Variants in NECAB3 observed in about 807,000 individuals in gnomAD.
NECAB3 encodes the protein N-terminal EF-hand calcium-binding protein 3.
Under a neutral mutation model 57.2 loss-of-function variants are expected in NECAB3, and 38 were observed. That is an observed-to-expected ratio of 0.66 (90% CI 0.51 to 0.87). The LOEUF (loss-of-function observed/expected upper bound fraction) is 0.87. Among genes scored for constraint, NECAB3 ranks in the 40% least tolerant of loss-of-function variants. The pLI, the probability that NECAB3 is intolerant of heterozygous loss-of-function variation, is 0.00. For missense variants in NECAB3, 474 were observed against 527.5 expected (o/e 0.90, Z 0.99); for synonymous variants, 223 against 222.6 (o/e 1.00, Z -0.02).
At position 33,663,300 on chromosome 20, in the gene NECAB3, G is replaced by A. The variant is rs1321119608; in HGVS notation, c.388-2905C>T. The A allele has an allele frequency of 2.8e-5, 16 of 565,182 alleles. No homozygotes were observed. The Admixed American group carries it at 4.8e-4, about 17-fold the overall frequency. The allele number at this position is 565,182 out of a possible 1,614,324, so 35.0% of individuals were successfully genotyped here. A position where few individuals can be genotyped will look rare whatever the true frequency, so the allele number is the denominator to read the frequency against. On this transcript the variant is annotated intron_variant, in intron 5 of 11. Transcript: ENST00000246190. ...CAGGAAGTCAGCCTGGGATGGATGA[G>A]GGTTTCCAGAAAGGAGGCGGAGTCC...
rs775986396 is a variant in NECAB3, at chr20:33,658,021, C to A, written c.1083G>T (p.Ser361=). 2 of 1,551,760 alleles carry A rather than the reference C, an allele frequency of 1.3e-6. No homozygotes were observed. The highest frequency in any genetic ancestry group is 1.7e-6 in the Non-Finnish European group (2 of 1,147,464). ...DEASWRRHQQ[S]PGSKAFQRIL... is the part of the protein sequence containing the mutation. Reference sequence around the variant, plus strand: ...TGCGCTGGAAGGCCTTGCTGCCAGGCGACTGCTGGTGCCTGCAGAGACCCA... The same window carrying A: ...TGCGCTGGAAGGCCTTGCTGCCAGGAGACTGCTGGTGCCTGCAGAGACCCA... The change falls in exon 11 of 12, where the codon TCG becomes TCT. Residue 361 remains serine, a synonymous_variant. Coordinates refer to ENST00000246190, the MANE Select transcript of NECAB3 (RefSeq NM_031232.4).
chr20:33,671,487 AC>A (rs2017826695), intron 2 of NECAB3, among the ~76,000 whole-genome samples: 1 of 152,092 alleles, frequency 6.6e-6, no homozygotes, highest in African/African-American at 2.4e-5. Flanking sequence ...GTTGGGACAA[AC>A]AATCCCCATC....
intron 5 of NECAB3, chr20:33,663,944 G>A: frequency 7.8e-7 from 1 of 1,286,348 alleles, no homozygotes; most frequent in Non-Finnish European, 1.0e-6. Flanking sequence ...AGGCGTCTGG[G>A]CGCGGAGTCG....
In NECAB3 at chr20:33,670,756, T is replaced by C; in HGVS notation, c.191A>G (p.Tyr64Cys). The C allele has an allele frequency of 6.2e-7, 1 of 1,614,042 alleles. No individual in the cohort carries two copies. Among genetic ancestry groups the C allele is most frequent in the East Asian group, 2.2e-5 (1 of 44,878 alleles). Residue 64 changes from tyrosine to cysteine, a missense_variant, in exon 3 of 12, where the codon TAC becomes TGC. By Grantham distance (194) the Tyr-to-Cys change is radical. Coordinates refer to ENST00000246190, the MANE Select transcript of NECAB3 (RefSeq NM_031232.4). The part of the protein sequence containing the change: ...GKLSFEEFQN[Y>C]FADGVLSLGE... ...CAGGCTGAGAACCCCATCGGCAAAG[T>C]AATTCTGGAATTCCTCAAATGAGAG...
Position 33,659,420 on chromosome 20 carries a change from A to G in NECAB3, c.879+77T>C, listed in dbSNP as rs1337578039. On this transcript the variant is annotated intron_variant, in intron 8 of 11. Transcript: ENST00000246190. ...GCGCACTGCAGAGGGTTGGTGGGCA[A>G]CCGGCCCCATGAATCCCCAATTCAT... The G allele has an allele frequency of 6.1e-6, 8 of 1,306,888 alleles. No homozygotes were observed. In the East Asian group the frequency reaches 2.0e-4, roughly 33 times the overall value. The allele number at this position is 1,306,888 out of a possible 1,614,324, so 81.0% of individuals were successfully genotyped here.
chr20:33,658,473 A>C lies in NECAB3; in HGVS notation c.1070+4T>G. ...GGTGTTAGCGGCCAGACTGGCACTC[A>C]TACCTTCTCCAGGAGGCCTCATCCT... On this transcript the variant is annotated splice_donor_region_variant and intron_variant, in intron 10 of 11. Transcript: ENST00000246190. The C allele has an allele frequency of 6.2e-7, 1 of 1,613,860 alleles. No homozygotes were observed. Among genetic ancestry groups the C allele is most frequent in the Non-Finnish European group, 8.5e-7 (1 of 1,179,850 alleles).
chr20:33,663,503 C>T (rs1338513415), intron 5 of NECAB3: 1 of 1,596,458 alleles, frequency 6.3e-7, no homozygotes, highest in Non-Finnish European at 8.5e-7. Flanking sequence ...AGCGCGCTCT[C>T]CCGCCTCACG....
intron 5 of NECAB3, among the ~76,000 whole-genome samples, chr20:33,666,180 C>T (rs765398374): frequency 8.5e-5 from 13 of 152,232 alleles, no homozygotes; most frequent in Non-Finnish European, 1.6e-4. Context: ...CTCTCGGGGG[C>T]TCTTCAGGGA....
At chr20:33,673,780 G>T (rs1368671294) in intron 1 of NECAB3, among the ~76,000 whole-genome samples, 2 of 152,188 alleles carry the variant, frequency 1.3e-5, no homozygotes, top group East Asian at 1.9e-4. Flanking sequence ...CCATGGGAGG[G>T]TGACTCTGAG....
At position 33,670,731 on chromosome 20, in the gene NECAB3, C is replaced by T. The variant is rs762476741; in HGVS notation, c.216G>A (p.Leu72=). ...QNYFADGVLS[L]GELQELFSGI... ...CGCTGAACAGTTCCTGCAGCTCCCC[C>T]AGGCTGAGAACCCCATCGGCAAAGT... The change falls in exon 3 of 12, where the codon CTG becomes CTA. Residue 72 remains leucine, a synonymous_variant. Coordinates refer to ENST00000246190, the MANE Select transcript of NECAB3 (RefSeq NM_031232.4). 3.7e-6 allele frequency: 6 copies of T among 1,614,122 alleles called. No homozygotes were observed. The highest frequency in any genetic ancestry group is 4.2e-6 in the Non-Finnish European group (5 of 1,179,970).
At chr20:33,672,541 C>T in intron 1 of NECAB3, 119 bp from the exon 2 acceptor site, 1 of 1,230,668 alleles carries the variant, frequency 8.1e-7, no homozygotes, top group Non-Finnish European at 1.2e-6. Flanking sequence ...TTTCCTCCCG[C>T]CCAGCCTGGT....
At chr20:33,669,849 T>A in intron 3 of NECAB3, 137 bp from the exon 4 acceptor site, 1 of 915,230 alleles carries the variant, frequency 1.1e-6, no homozygotes. Flanking sequence ...CAGATTAAGT[T>A]GCTCCTGTGG....
rs1296001122 is a variant in NECAB3 at position 33,657,679 on chromosome 20, C to T, written c.*150G>A. The T allele has an allele frequency of 2.9e-6, 2 of 695,032 alleles. No homozygotes were observed. Among genetic ancestry groups the T allele is most frequent in the Non-Finnish European group, 4.6e-6 (2 of 431,232 alleles). 43.1% of individuals were successfully genotyped at this position (695,032 alleles called of 1,614,324 possible). On this transcript the variant is annotated 3_prime_UTR_variant, in exon 12 of 12. Coordinates refer to ENST00000246190, the MANE Select transcript of NECAB3 (RefSeq NM_031232.4). ...CAATAATAAATAGAAAGCAAGCAGC[C>T]CAGTCCCTGATCCCTGGGCTGAGAG...
At chr20:33,663,011 C>CG (rs2017530188) in intron 5 of NECAB3, among the ~76,000 whole-genome samples, 1 of 152,146 alleles carries the variant, frequency 6.6e-6, no homozygotes, top group Non-Finnish European at 1.5e-5. Context: ...TTGAGAGCCC[C>CG]GGGGGGTGAG....
chr20:33,674,906 GAC>G (rs1223394041), upstream of NECAB3: 1 of 152,176 alleles, frequency 6.6e-6, no homozygotes, highest in Non-Finnish European at 1.5e-5. Context: ...TCCCCTCCGT[GAC>G]TCTGGCCCTC....
intron 5 of NECAB3, chr20:33,663,963 A>G: frequency 1.8e-6 from 2 of 1,142,412 alleles, no homozygotes; most frequent in Non-Finnish European, 2.3e-6. Context: ...CGGGGTGGGC[A>G]AAGCTCAGCC....
In NECAB3 at chr20:33,659,895, A is replaced by G; in HGVS notation, c.633T>C (p.Ser211=). 1 of 1,545,616 alleles carries G rather than the reference A, an allele frequency of 6.5e-7. No homozygotes were observed. The change falls in exon 7 of 12, where the codon TCT becomes TCC. Residue 211 remains serine, a synonymous_variant. Transcript: ENST00000246190. The part of the protein sequence containing the change: ...VSRSSTWSPG[S]SDTGRSSEAE... The stretch of plus-strand genomic sequence containing the variant: ...CCACCCCAGGCGCACCTGTGTCAGA[A>G]GAGCCGGGGGACCAGGTGGATGACC...
chr20:33,665,898 C>T (rs1278971527), intron 5 of NECAB3, among the ~76,000 whole-genome samples: 2 of 152,124 alleles, frequency 1.3e-5, no homozygotes, highest in East Asian at 1.9e-4. Flanking sequence ...GCCTGGCCAA[C>T]GTGGCGAAAC....
chr20:33,674,392 G>A lies in NECAB3; in HGVS notation c.-40C>T, dbSNP rs2017906434. The A allele has an allele frequency of 8.7e-7, 1 of 1,144,270 alleles. No individual in the cohort carries two copies. Among genetic ancestry groups the A allele is most frequent in the South Asian group, 4.3e-5 (1 of 23,486 alleles). The allele number at this position is 1,144,270 out of a possible 1,614,324, so 70.9% of individuals were successfully genotyped here. ...CTCGGGCTCGGCTGCGGTTGCTGCC[G>A]ACCCTGGACGCCGCGGCGGACTCGG... On this transcript the variant is annotated 5_prime_UTR_variant, in exon 1 of 12. Transcript: ENST00000246190.
Sources: gnomAD v4.1 joint callset for allele counts (sites outside exome capture counted in the v4.1 genomes callset) on GRCh38, gnomAD v4.1.1 for gene constraint, MANE v1.5 for transcripts, NCBI Gene and HGNC (gene_info 2026-07-23, HGNC 2026-07-21) for gene names.